Variants in RPP30 observed in about 807,000 individuals in gnomAD.
The protein encoded by RPP30 is ribonuclease P protein subunit p30.
RPP30 carries 36 observed loss-of-function variants against 38.6 expected under a neutral mutation model. The observed-to-expected ratio is 0.93, with a 90% CI of 0.71 to 1.23. The LOEUF is 1.23. Ranked by LOEUF, RPP30 falls within the 50% of genes most tolerant of loss-of-function variation. RPP30 has a pLI of 0.00. For synonymous variants in RPP30, 126 were observed against 112.7 expected (o/e 1.12, Z -0.75); for missense variants, 321 against 321.7 (o/e 1.00, Z 0.02).
In RPP30 at chr10:90,901,710, A is replaced by AT. The variant is rs1272228603; in HGVS notation, c.*1031_*1032insT. 1.0e-6 allele frequency: 1 copy of AT among 983,700 alleles called. No homozygotes were observed. The highest frequency in any genetic ancestry group is 1.7e-5 in the African/African-American group (1 of 57,230). 60.9% of individuals were successfully genotyped at this position (983,700 alleles called of 1,614,324 possible). Reference sequence around the variant, plus strand: ...TTTATGCAAATACATGCATTTATGCAATATTAATGTAAGGGCTCTAAAACA... The same window carrying AT: ...TTTATGCAAATACATGCATTTATGCATATATTAATGTAAGGGCTCTAAAACA... On this transcript the variant is annotated 3_prime_UTR_variant, in exon 11 of 11. Coordinates refer to ENST00000371703, the MANE Select transcript of RPP30 (RefSeq NM_006413.5).
intron 4 of RPP30, among the ~76,000 whole-genome samples, chr10:90,877,072 G>A (rs1846861675): frequency 6.6e-6 from 1 of 152,148 alleles, no homozygotes; most frequent in African/African-American, 2.4e-5. Flanking sequence ...AACATTTTGG[G>A]AGGCCTAGGC....
intron 6 of RPP30, among the ~76,000 whole-genome samples, chr10:90,892,857 A>G (rs540083910): frequency 6.6e-6 from 1 of 152,254 alleles, no homozygotes; most frequent in Non-Finnish European, 1.5e-5. Context: ...GAACAACGTT[A>G]TCACAGGACA....
chr10:90,895,756 T>C (rs1847132280), intron 8 of RPP30, 124 bp from the exon 9 acceptor site: 7 of 706,878 alleles, frequency 9.9e-6, no homozygotes, highest in African/African-American at 5.7e-5. Flanking sequence ...ATCAAAATTA[T>C]AAGGACTTAA....
At chr10:90,872,771 A>C (rs1217278122) in intron 1 of RPP30, among the ~76,000 whole-genome samples, 1 of 152,188 alleles carries the variant, frequency 6.6e-6, no homozygotes, top group Admixed American at 6.5e-5. Flanking sequence ...GCTCATTGTG[A>C]GTTCTGATTA....
intron 6 of RPP30, among the ~76,000 whole-genome samples, chr10:90,890,882 A>G (rs986604730): frequency 6.6e-6 from 1 of 152,198 alleles, no homozygotes; most frequent in African/African-American, 2.4e-5. Flanking sequence ...TTTCACAGTA[A>G]AGGAAATGCA....
At chr10:90,903,041 A>C, downstream of RPP30, 8 of 646,990 alleles carry the variant, frequency 1.2e-5, no homozygotes, top group Non-Finnish European at 2.0e-5. Flanking sequence ...CGGGAAAACT[A>C]AGTCAACACT....
downstream of RPP30, chr10:90,908,251 C>T (rs1033965766): frequency 6.6e-6 from 1 of 152,094 alleles, no homozygotes; most frequent in African/African-American, 2.4e-5. Flanking sequence ...GTATTTATTC[C>T]TCATTATTCC....
At chr10:90,902,424 C>G (rs987336060), downstream of RPP30, 6 of 261,350 alleles carry the variant, frequency 2.3e-5, no homozygotes, top group Middle Eastern at 9.7e-4. Flanking sequence ...TTTGCCATGT[C>G]CAGGCTAGTC....
At chr10:90,899,363 G>C (rs542742219) in intron 10 of RPP30, among the ~76,000 whole-genome samples, 1 of 152,162 alleles carries the variant, frequency 6.6e-6, no homozygotes, top group African/African-American at 2.4e-5. Flanking sequence ...TGATAAATGG[G>C]AAAATAATGC....
chr10:90,878,139 G>A (rs192783125), intron 4 of RPP30, among the ~76,000 whole-genome samples: 95 of 151,892 alleles, frequency 6.3e-4, no homozygotes, highest in African/African-American at 2.1e-3. Flanking sequence ...GTTCCTTTTT[G>A]TCTCCTTCAC....
At chr10:90,905,010 A>G (rs1013816923), downstream of RPP30, among the ~76,000 whole-genome samples, 5 of 152,204 alleles carry the variant, frequency 3.3e-5, no homozygotes, top group Non-Finnish European at 5.9e-5. Flanking sequence ...AATGTAAGTT[A>G]ATTAAAAAAA....
intron 3 of RPP30, 143 bp downstream of exon 3, chr10:90,875,757 A>C: frequency 1.4e-6 from 1 of 727,324 alleles, no homozygotes; most frequent in Non-Finnish European, 2.4e-6. Flanking sequence ...CTCTTCAGGA[A>C]ACATTCTTTT....
At chr10:90,902,265 TG>T, downstream of RPP30, 1 of 473,332 alleles carries the variant, frequency 2.1e-6, no homozygotes, top group Non-Finnish European at 3.1e-6. Flanking sequence ...TCACCCAGGC[TG>T]GAGTGCAGTG....
At chr10:90,874,188 T>G (rs1294054224) in intron 1 of RPP30, among the ~76,000 whole-genome samples, 5 of 152,186 alleles carry the variant, frequency 3.3e-5, no homozygotes, top group African/African-American at 1.2e-4. Flanking sequence ...AAATTAAAGA[T>G]GGGAGTCATG....
intron 1 of RPP30, among the ~76,000 whole-genome samples, chr10:90,874,314 A>G (rs535758492): frequency 6.6e-6 from 1 of 152,340 alleles, no homozygotes; most frequent in African/African-American, 2.4e-5. Context: ...GCAGCTTAAA[A>G]TGGGAAGCGG....
At chr10:90,874,974 TTC>T in intron 2 of RPP30, 50 bp downstream of exon 2, 1 of 1,206,882 alleles carries the variant, frequency 8.3e-7, no homozygotes. Flanking sequence ...GTATTTGTAA[TTC>T]TGTTTGTATT....
rs759985047 is a variant in RPP30, at chr10:90,885,908, G to A, written c.432+7G>A. 7.9e-6 allele frequency: 12 copies of A among 1,514,070 alleles called. No individual in the cohort carries two copies. In the South Asian group the frequency reaches 1.0e-4, roughly 13 times the overall value. 93.8% of individuals were successfully genotyped at this position (1,514,070 alleles called of 1,614,324 possible). On this transcript the variant is annotated splice_region_variant and intron_variant, in intron 6 of 10. Coordinates refer to ENST00000371703, the MANE Select transcript of RPP30 (RefSeq NM_006413.5). ...AAGACCTCCTATTAATGTGGTAAGT[G>A]TACTTTCCATTCTGTATTTGAATCT...
Position 90,901,626 on chromosome 10 carries a change from G to C in RPP30, c.*947G>C, listed in dbSNP as rs1847204208. 2.0e-6 allele frequency: 2 copies of C among 985,052 alleles called. No individual in the cohort carries two copies. Among genetic ancestry groups the C allele is most frequent in the South Asian group, 9.4e-5 (2 of 21,276 alleles). The allele number at this position is 985,052 out of a possible 1,614,324, so 61.0% of individuals were successfully genotyped here. On this transcript the variant is annotated 3_prime_UTR_variant, in exon 11 of 11. Coordinates refer to ENST00000371703, the MANE Select transcript of RPP30 (RefSeq NM_006413.5). ...ATTAAAAATAGCAAAGCATCGGACT[G>C]AACCAACTTTGGAAATAATTTATTT...
At chr10:90,875,356 A>G (rs546365503) in intron 2 of RPP30, among the ~76,000 whole-genome samples, 21 of 152,232 alleles carry the variant, frequency 1.4e-4, no homozygotes, top group African/African-American at 4.6e-4. Context: ...CATTCTTCCT[A>G]TTCACTGATG....
Sources: allele counts gnomAD v4.1 joint callset (sites outside exome capture counted in the v4.1 genomes callset), GRCh38; gene constraint gnomAD v4.1.1; transcripts MANE v1.5; gene names NCBI Gene and HGNC (gene_info 2026-07-23, HGNC 2026-07-21).